Variants in SATL1 observed in about 807,000 individuals in gnomAD.
SATL1 encodes the protein spermidine/spermine N(1)-acetyltransferase-like protein 1.
Under a neutral mutation model 51.8 loss-of-function variants are expected in SATL1, and 47 were observed. The observed-to-expected ratio is 0.91, with a 90% CI of 0.72 to 1.16. The LOEUF (loss-of-function observed/expected upper bound fraction) is 1.16, where lower values mean the gene tolerates loss of function less well. Among genes scored for constraint, SATL1 ranks in the 50% most tolerant of loss-of-function variants. The probability of loss-of-function intolerance (pLI) is 0.00; values close to 1 mark genes in which losing one functional copy is unlikely to be tolerated. For synonymous variants in SATL1, 176 were observed against 182.4 expected (o/e 0.97, Z 0.28); for missense variants, 520 against 526.4 (o/e 0.99, Z 0.12).
intron 2 of SATL1, among the ~76,000 whole-genome samples, chrX:85,222,703 A>G (rs1873494076): frequency 9.0e-6 from 1 of 111,323 alleles, no homozygotes; most frequent in Non-Finnish European, 1.9e-5. Context: ...GCTAAGCTCA[A>G]AGATGTGTTT....
Position 85,128,398 on chromosome X carries a change from T to A in SATL1, c.-312-19118A>T, listed in dbSNP as rs191345763. ...TGATTTGCATTTCTCTGATGACCAGTGATGATGAGCATTTTTTCATGTGTC... is the reference window on the plus strand; with the variant it reads ...TGATTTGCATTTCTCTGATGACCAGAGATGATGAGCATTTTTTCATGTGTC... On this transcript the variant is annotated intron_variant, in intron 2 of 7. Coordinates refer to ENST00000644105, the MANE Select transcript of SATL1 (RefSeq NM_001367857.2). Among the ~76,000 whole-genome samples, 332 of 112,412 alleles carry A rather than the reference T, an allele frequency of 3.0e-3. 3 individuals carry two copies. The highest frequency in any genetic ancestry group is 9.8e-3 in the African/African-American group (305 of 31,004).
intron 3 of SATL1, among the ~76,000 whole-genome samples, chrX:85,105,751 CTT>C (rs1315777358): frequency 2.7e-5 from 3 of 112,069 alleles, no homozygotes; most frequent in African/African-American, 9.7e-5. Flanking sequence ...GTTTTGCAAA[CTT>C]AGCAATGAAC....
intron 2 of SATL1, among the ~76,000 whole-genome samples, chrX:85,150,634 A>C (rs1444045565): frequency 8.9e-6 from 1 of 111,979 alleles, no homozygotes; most frequent in Non-Finnish European, 1.9e-5. Context: ...AGTGGGCTTC[A>C]TCCCTGGGAT....
rs375801153 is a variant in SATL1, at chrX:85,218,101, C to G, written c.-313+6104G>C. Among the ~76,000 whole-genome samples the G allele has an allele frequency of 1.3e-4, 14 of 109,016 alleles. No homozygotes were observed. The East Asian group carries it at 3.2e-3, about 25-fold the overall frequency. The allele number at this position is 109,016 out of a possible 115,157, so 94.7% of individuals were successfully genotyped here. On this transcript the variant is annotated intron_variant, in intron 2 of 7. Coordinates refer to ENST00000644105, the MANE Select transcript of SATL1 (RefSeq NM_001367857.2). ...GACACAAGGAGGGGAACAACAGACA[C>G]TGGGGATCACTTTAGAGTGGAGAGT...
At chrX:85,206,963 G>A (rs1927802692) in intron 2 of SATL1, among the ~76,000 whole-genome samples, 1 of 111,333 alleles carries the variant, frequency 9.0e-6, no homozygotes, top group African/African-American at 3.3e-5. Flanking sequence ...GGTAAATTTG[G>A]TGGTGAGAAG....
At chrX:85,153,405 C>T (rs1001437831) in intron 2 of SATL1, among the ~76,000 whole-genome samples, 2 of 111,252 alleles carry the variant, frequency 1.8e-5, no homozygotes, top group Non-Finnish European at 3.8e-5. Flanking sequence ...AGGTATAAGC[C>T]GTAGGCAAAA....
chrX:85,103,259 A>G (rs1243221899), intron 4 of SATL1, among the ~76,000 whole-genome samples: 1 of 111,578 alleles, frequency 9.0e-6, no homozygotes, highest in Non-Finnish European at 1.9e-5. Context: ...ACCCAGTATT[A>G]TAGTGAAACC....
chrX:85,238,130 C>T (rs113779441), intron 1 of SATL1, among the ~76,000 whole-genome samples: 12,100 of 110,844 alleles, frequency 0.11, 1,498 homozygotes, highest in African/African-American at 0.36. Flanking sequence ...ATTAGTACAA[C>T]CACTATAAAG....
intron 1 of SATL1, among the ~76,000 whole-genome samples, chrX:85,238,115 T>C (rs964840257): frequency 9.0e-5 from 10 of 111,619 alleles, no homozygotes; most frequent in African/African-American, 2.9e-4. Flanking sequence ...TTGGTGGGAA[T>C]GTAAATTAGT....
intron 2 of SATL1, among the ~76,000 whole-genome samples, chrX:85,208,440 G>A (rs968593130): frequency 6.3e-5 from 7 of 111,282 alleles, no homozygotes; most frequent in Non-Finnish European, 1.1e-4. Context: ...CGGGCCAAAC[G>A]GTAATTCTAG....
At chrX:85,118,103 T>TTTTTTTTTTTTTTTTTTTTTTTTTG (rs1925425660) in intron 2 of SATL1, among the ~76,000 whole-genome samples, 1 of 98,470 alleles carries the variant, frequency 1.0e-5, no homozygotes, top group Admixed American at 1.2e-4. Flanking sequence ...TTTTTTTTTT[T>TTTTTTTTTTTTTTTTTTTTTTTTTG]CCAGAGTGCA....
chrX:85,209,067 T>C lies in SATL1; in HGVS notation c.-313+15138A>G, dbSNP rs994547858. The C allele has an allele frequency of 6.2e-5, 7 of 112,215 alleles. No homozygotes were observed. In the Admixed American group the frequency reaches 6.6e-4, roughly 11 times the overall value. The allele number at this position is 112,215 out of a possible 1,213,427, so 9.2% of individuals were successfully genotyped here. Reference sequence around the variant, plus strand: ...AATCCATCTTGAATTAATTTTTGTATAAGGTGTAAGGAAGGGATCCAGTTT... The same window carrying C: ...AATCCATCTTGAATTAATTTTTGTACAAGGTGTAAGGAAGGGATCCAGTTT... On this transcript the variant is annotated intron_variant, in intron 2 of 7. Transcript: ENST00000644105.
chrX:85,197,028 G>A (rs935713577), intron 2 of SATL1, among the ~76,000 whole-genome samples: 1 of 111,286 alleles, frequency 9.0e-6, no homozygotes, highest in Non-Finnish European at 1.9e-5. Flanking sequence ...TGTGTTCAAA[G>A]GACATCACCA....
rs768929710 is a variant in SATL1, at chrX:85,148,921, A to C, written c.-312-39641T>G. On this transcript the variant is annotated intron_variant, in intron 2 of 7. Coordinates refer to ENST00000644105, the MANE Select transcript of SATL1 (RefSeq NM_001367857.2). The stretch of plus-strand genomic sequence containing the variant: ...AACTGCATCAACTAACGAGCAAAAT[A>C]ACCAGCTAACATCATAATGACAGGA... Among the ~76,000 whole-genome samples the C allele has an allele frequency of 2.2e-4, 25 of 111,114 alleles. No individual in the cohort carries two copies. The East Asian group carries it at 3.4e-3, about 15-fold the overall frequency.
chrX:85,113,855 G>T (rs1925319635), intron 2 of SATL1, among the ~76,000 whole-genome samples: 1 of 111,586 alleles, frequency 9.0e-6, no homozygotes, highest in South Asian at 3.8e-4. Context: ...TATGAGTTGT[G>T]TAAATTCCTC....
chrX:85,176,345 T>C (rs1927081138), intron 2 of SATL1, among the ~76,000 whole-genome samples: 1 of 111,757 alleles, frequency 8.9e-6, no homozygotes, highest in South Asian at 3.7e-4. Flanking sequence ...CTCAGCTATA[T>C]CACTTCTGGT....
At chrX:85,221,277 C>A (rs1389333310) in intron 2 of SATL1, among the ~76,000 whole-genome samples, 4 of 111,694 alleles carry the variant, frequency 3.6e-5, no homozygotes, top group Non-Finnish European at 7.5e-5. Flanking sequence ...GTGTGATATT[C>A]ATAAGAATAC....
intron 1 of SATL1, among the ~76,000 whole-genome samples, chrX:85,239,691 T>C (rs1602933858): frequency 9.0e-6 from 1 of 111,446 alleles, no homozygotes; most frequent in African/African-American, 3.3e-5. Flanking sequence ...ACCTAAACAA[T>C]AGGACAGATA....
intron 2 of SATL1, among the ~76,000 whole-genome samples, chrX:85,165,459 T>C (rs1218008712): frequency 9.3e-6 from 1 of 107,473 alleles, no homozygotes; most frequent in Non-Finnish European, 1.9e-5. Context: ...TGTATTTTTC[T>C]TTTTTTTTTC....
Sources: allele counts gnomAD v4.1 joint callset (sites outside exome capture counted in the v4.1 genomes callset), GRCh38; gene constraint gnomAD v4.1.1; transcripts MANE v1.5; gene names NCBI Gene and HGNC (gene_info 2026-07-23, HGNC 2026-07-21).